The following NTRK3 variants were observed in gnomAD, a reference collection of about 807,000 sequenced individuals.
NTRK3 encodes neurotrophic receptor tyrosine kinase 3.
NTRK3 carries 24 observed loss-of-function variants against 91.7 expected under a neutral mutation model. The observed-to-expected ratio is 0.26, with a 90% confidence interval of 0.19 to 0.37. The LOEUF (loss-of-function observed/expected upper bound fraction) is 0.37, where lower values mean the gene tolerates loss of function less well. NTRK3 is among the 10% of genes least tolerant of loss of function. The probability of loss-of-function intolerance (pLI) is 1.00; values close to 1 mark genes in which losing one functional copy is unlikely to be tolerated. For synonymous variants in NTRK3, 483 were observed against 404.0 expected, an observed-to-expected ratio of 1.20 and a Z score of -2.34; for missense variants, 880 against 1,068.9, an observed-to-expected ratio of 0.82 and a Z score of 2.46.
chr15:88,225,863 G>A (rs911167932), intron 3 of NTRK3, among the ~76,000 whole-genome samples: 10 of 152,274 alleles, frequency 6.6e-5, no homozygotes, highest in African/African-American at 1.9e-4. Context: ...ATCCCTTCCT[G>A]GGGGTCCGAT....
intron 13 of NTRK3, among the ~76,000 whole-genome samples, chr15:88,096,061 T>C (rs2049562379): frequency 6.6e-6 from 1 of 152,196 alleles, no homozygotes; most frequent in Non-Finnish European, 1.5e-5. Context: ...AAAATAATTT[T>C]AGGTGGTGAC....
chr15:88,145,538 G>A (rs2042812571), intron 6 of NTRK3, among the ~76,000 whole-genome samples: 1 of 152,074 alleles, frequency 6.6e-6, no homozygotes, highest in Admixed American at 6.5e-5. Flanking sequence ...TGATCCTCTG[G>A]GAGAAATCTG....
intron 13 of NTRK3, among the ~76,000 whole-genome samples, chr15:88,049,585 T>G (rs2080600688): frequency 6.6e-6 from 1 of 152,196 alleles, no homozygotes; most frequent in African/African-American, 2.4e-5. Flanking sequence ...GTAGCAAGCC[T>G]TATCTGAATA....
intron 5 of NTRK3, among the ~76,000 whole-genome samples, chr15:88,167,649 C>T (rs185423984): frequency 2.0e-4 from 31 of 152,204 alleles, no homozygotes; most frequent in Middle Eastern, 3.4e-3. Flanking sequence ...GGTCATTAGT[C>T]GTGAGGGGAG....
At chr15:88,212,348 T>C (rs2049329739) in intron 3 of NTRK3, among the ~76,000 whole-genome samples, 1 of 152,146 alleles carries the variant, frequency 6.6e-6, no homozygotes, top group South Asian at 2.1e-4. Flanking sequence ...CCAGCCTGGG[T>C]GACAGAGTGA....
intron 3 of NTRK3, among the ~76,000 whole-genome samples, chr15:88,189,264 CAT>C (rs1216877585): frequency 6.6e-6 from 1 of 152,182 alleles, no homozygotes; most frequent in African/African-American, 2.4e-5. Flanking sequence ...CTTAGTGACT[CAT>C]AACAGCAACA....
Position 88,228,417 on chromosome 15 carries a change from C to A in NTRK3, c.248+27489G>T, listed in dbSNP as rs569640872. On this transcript the variant is annotated intron_variant, in intron 3 of 18. Coordinates refer to ENST00000394480, the Ensembl canonical transcript of NTRK3. ...CTCAATCTTCCTGAAACATGAGTCT[C>A]ATCCTATCAGTCCCCTTGCCCCCAT... Among the ~76,000 whole-genome samples, 5 of 152,308 alleles carry A rather than the reference C, an allele frequency of 3.3e-5. No homozygotes were observed. In the South Asian group the frequency reaches 1.0e-3, roughly 32 times the overall value.
chr15:88,005,336 C>T (rs963763308), intron 14 of NTRK3, among the ~76,000 whole-genome samples: 1 of 152,100 alleles, frequency 6.6e-6, no homozygotes, highest in Non-Finnish European at 1.5e-5. Context: ...ATATCACCAC[C>T]TAGGATGCCT....
intron 14 of NTRK3, among the ~76,000 whole-genome samples, chr15:87,963,688 A>C (rs1227037204): frequency 2.0e-5 from 3 of 152,184 alleles, no homozygotes; most frequent in African/African-American, 7.2e-5. Flanking sequence ...GTTAGGTGTT[A>C]TTAAGTGCAT....
At chr15:88,035,569 T>G (rs1240119833) in intron 13 of NTRK3, among the ~76,000 whole-genome samples, 1 of 152,200 alleles carries the variant, frequency 6.6e-6, no homozygotes, top group East Asian at 1.9e-4. Context: ...CATGCCACAG[T>G]GAAACCTGCC....
At chr15:88,256,416 G>A in exon 2 of NTRK3, 2 of 552,760 alleles carry the variant, frequency 3.6e-6, no homozygotes, top group Non-Finnish European at 6.3e-6. Flanking sequence ...GGGCATGGTG[G>A]CCGGCTCGGC....
At chr15:88,130,127 T>C (rs2053661789) in intron 10 of NTRK3, among the ~76,000 whole-genome samples, 1 of 152,228 alleles carries the variant, frequency 6.6e-6, no homozygotes, top group South Asian at 2.1e-4. Context: ...TAAATTTCTG[T>C]TGTTTAAGCC....
At chr15:88,025,972 A>G (rs1175536416) in intron 14 of NTRK3, among the ~76,000 whole-genome samples, 1 of 152,082 alleles carries the variant, frequency 6.6e-6, no homozygotes, top group Non-Finnish European at 1.5e-5. Flanking sequence ...GAAATAAAAT[A>G]AAATAACTGA....
At position 88,035,309 on chromosome 15, in the gene NTRK3, C is replaced by G. The variant is rs150986328; in HGVS notation, c.1397-2264G>C. ...GCCCCGCCCCCACTATCACCTTGCTCCCTTCCCACAGGACTCTAGTGGTTT... is the reference window on the plus strand; with the variant it reads ...GCCCCGCCCCCACTATCACCTTGCTGCCTTCCCACAGGACTCTAGTGGTTT... On this transcript the variant is annotated intron_variant, in intron 13 of 18. Coordinates refer to ENST00000394480, the Ensembl canonical transcript of NTRK3. 7.2e-4 allele frequency among the ~76,000 whole-genome samples: 110 copies of G among 152,262 alleles called. 1 individual carries two copies. Among genetic ancestry groups the G allele is most frequent in the African/African-American group, 2.4e-3 (101 of 41,554 alleles).
At chr15:88,011,114 A>G (rs539617620) in intron 14 of NTRK3, among the ~76,000 whole-genome samples, 1 of 152,180 alleles carries the variant, frequency 6.6e-6, no homozygotes, top group South Asian at 2.1e-4. Flanking sequence ...GGAATGAACA[A>G]GCATGCCACA....
Position 87,963,427 on chromosome 15 carries a change from T to C in NTRK3, c.1586-22674A>G, listed in dbSNP as rs541140154. Among the ~76,000 whole-genome samples the C allele has an allele frequency of 2.0e-4, 31 of 152,320 alleles. 1 individual carries two copies. The highest frequency in any genetic ancestry group is 7.5e-4 in the African/African-American group (31 of 41,582). ...CATGACCCTCTGTTTATTAAGACTG[T>C]GGGGAATCTCATTCTCATATATGGA... On this transcript the variant is annotated intron_variant, in intron 14 of 18. Coordinates refer to ENST00000394480, the Ensembl canonical transcript of NTRK3.
chr15:87,998,366 G>A (rs2075855578), intron 14 of NTRK3, among the ~76,000 whole-genome samples: 1 of 152,214 alleles, frequency 6.6e-6, no homozygotes, highest in Non-Finnish European at 1.5e-5. Context: ...CAAGAGCTGA[G>A]AATGTCATAG....
chr15:88,050,224 AC>A (rs1422122745), intron 13 of NTRK3, among the ~76,000 whole-genome samples: 4 of 152,172 alleles, frequency 2.6e-5, no homozygotes, highest in Admixed American at 2.6e-4. Flanking sequence ...ATTCAAAGGC[AC>A]GTGTGTCCCA....
chr15:87,959,283 G>A (rs953608991), intron 14 of NTRK3, among the ~76,000 whole-genome samples: 15 of 152,198 alleles, frequency 9.9e-5, no homozygotes, highest in African/African-American at 1.4e-4. Flanking sequence ...CATCAGTGCT[G>A]TACCCAGCAC....
Sources: allele counts gnomAD v4.1 joint callset (sites outside exome capture counted in the v4.1 genomes callset), GRCh38; gene constraint gnomAD v4.1.1; transcripts MANE v1.5; gene names NCBI Gene and HGNC (gene_info 2026-07-23, HGNC 2026-07-21).